The following KMT2C variants were observed in gnomAD, a reference collection of about 807,000 sequenced individuals.
KMT2C encodes histone-lysine N-methyltransferase 2C.
KMT2C carries 88 observed loss-of-function variants against 507.9 expected under a neutral mutation model. The observed-to-expected ratio is 0.17, with a 90% CI of 0.15 to 0.21. KMT2C has a LOEUF of 0.21. Among genes scored for constraint, KMT2C ranks in the 10% least tolerant of loss-of-function variants. KMT2C has a pLI of 1.00. For missense variants in KMT2C, 4,954 were observed against 5,957.8 expected (o/e 0.83, Z 5.55); for synonymous variants, 2,049 against 2,080.8 (o/e 0.98, Z 0.42).
chr7:152,341,021 A>C (rs1469994890), intron 2 of KMT2C, among the ~76,000 whole-genome samples: 1 of 152,238 alleles, frequency 6.6e-6, no homozygotes, highest in African/African-American at 2.4e-5. Context: ...TTTGCAATTA[A>C]TAAAAGAAAC....
At chr7:152,311,110 A>G (rs2096667723) in intron 5 of KMT2C, among the ~76,000 whole-genome samples, 1 of 152,162 alleles carries the variant, frequency 6.6e-6, no homozygotes, top group African/African-American at 2.4e-5. Context: ...TTTAAATATT[A>G]TATATGTATT....
intron 1 of KMT2C, among the ~76,000 whole-genome samples, chr7:152,363,160 A>C (rs1199406988): frequency 6.6e-6 from 1 of 152,208 alleles, no homozygotes; most frequent in Non-Finnish European, 1.5e-5. Flanking sequence ...ATTGAGTCAG[A>C]TATTTCCAGT....
intron 6 of KMT2C, among the ~76,000 whole-genome samples, chr7:152,283,082 C>A (rs1248954626): frequency 6.9e-6 from 1 of 145,406 alleles, no homozygotes; most frequent in Non-Finnish European, 1.5e-5. Context: ...TAGATGAATG[C>A]GCCATAAAGC....
intron 6 of KMT2C, among the ~76,000 whole-genome samples, chr7:152,287,171 A>G (rs1233327893): frequency 2.6e-5 from 4 of 152,102 alleles, no homozygotes; most frequent in African/African-American, 9.7e-5. Flanking sequence ...TTCAACACCC[A>G]CCCAGTGATA....
intron 22 of KMT2C, 95 bp downstream of exon 22, chr7:152,221,906 A>G (rs2094783894): frequency 1.2e-6 from 1 of 830,654 alleles, no homozygotes; most frequent in East Asian, 2.6e-5. Context: ...TAGAACACCC[A>G]TATGATTGAA....
Position 152,162,262 on chromosome 7 carries a change from G to C in KMT2C, c.11315C>G (p.Ser3772Ter). 1 of 1,614,122 alleles carries C rather than the reference G, an allele frequency of 6.2e-7. No homozygotes were observed. The highest frequency in any genetic ancestry group is 1.1e-5 in the South Asian group (1 of 91,082). ...CAAGTGTTTCAGAAGTTCATTCCCT[G>C]AGTCTCCTTTGGCAGCAGGGGCCCC... ...SAGAPAAKGDSGNELLKHLLK... is the reference protein window; with the variant it reads ...SAGAPAAKGD Residue 3772 changes from serine to a stop codon, truncating the protein, a stop_gained, in exon 43 of 59, where the codon TCA becomes TGA. Coordinates refer to ENST00000262189, the MANE Select transcript of KMT2C (RefSeq NM_170606.3). LOFTEE classifies it high-confidence loss of function.
At chr7:152,417,942 TCTTTC>T (rs1238992348) in intron 1 of KMT2C, among the ~76,000 whole-genome samples, 1 of 86,304 alleles carries the variant, frequency 1.2e-5, no homozygotes, top group African/African-American at 5.2e-5. Flanking sequence ...GCGCCCACCC[TCTTTC>T]TTTTAAAAAA....
chr7:152,265,018 G>A lies in KMT2C; in HGVS notation c.1184+20C>T. On this transcript the variant is annotated intron_variant, in intron 8 of 58. Coordinates refer to ENST00000262189, the MANE Select transcript of KMT2C (RefSeq NM_170606.3). ...CCTCTTAAACCCAATACACAGCTTT[G>A]AATTGAAATGAAAACTTACTTGCAG... is the stretch of plus-strand genomic sequence containing the variant. The A allele has an allele frequency of 6.2e-7, 1 of 1,613,076 alleles. No homozygotes were observed. The highest frequency in any genetic ancestry group is 8.5e-7 in the Non-Finnish European group (1 of 1,179,270).
At chr7:152,366,752 G>A (rs1172034996) in intron 1 of KMT2C, 2 of 191,576 alleles carry the variant, frequency 1.0e-5, no homozygotes, top group African/African-American at 2.4e-5. Context: ...GCCACAGACG[G>A]CCGGGCGGGA....
intron 9 of KMT2C, 49 bp downstream of exon 9, chr7:152,262,967 A>G: frequency 7.1e-7 from 1 of 1,402,172 alleles, no homozygotes; most frequent in Non-Finnish European, 9.9e-7. Context: ...TCTGGTCTCC[A>G]TATAAAACAT....
At chr7:152,147,966 A>G in intron 52 of KMT2C, 67 bp downstream of exon 52, 1 of 1,464,854 alleles carries the variant, frequency 6.8e-7, no homozygotes, top group Non-Finnish European at 9.1e-7. Flanking sequence ...GAAAATTGAC[A>G]AAATACATTC....
intron 1 of KMT2C, among the ~76,000 whole-genome samples, chr7:152,388,810 G>A (rs1482244727): frequency 2.6e-5 from 4 of 152,152 alleles, no homozygotes; most frequent in African/African-American, 9.7e-5. Flanking sequence ...GTGCAATGGC[G>A]TGATCTTGGG....
In KMT2C at chr7:152,145,229, G is replaced by A. The variant is rs1395271721; in HGVS notation, c.14098C>T (p.Pro4700Ser). ...CAACCTGTGGGGTTAACGGCAAGAG[G>A]AAGTTCCATGAGAGGATTTCGGCCG... is the stretch of plus-strand genomic sequence containing the variant. ...RYGRNPLMEL[P>S]LAVNPTGCAR... Residue 4700 changes from proline (P) to serine (S), a missense_variant, in exon 54 of 59, where the codon CCT becomes TCT. Pro to Ser is a moderately conservative substitution (Grantham distance 74). Around this residue, in one of 29 missense-constraint regions of KMT2C, gnomAD observed 221 missense variants for 304.7 expected, o/e 0.73. Coordinates refer to ENST00000262189, the MANE Select transcript of KMT2C (RefSeq NM_170606.3). 6.2e-7 allele frequency: 1 copy of A among 1,614,148 alleles called. No individual in the cohort carries two copies.
chr7:152,253,510 T>A (rs2095595185), intron 9 of KMT2C, among the ~76,000 whole-genome samples: 1 of 62,736 alleles, frequency 1.6e-5, no homozygotes, highest in African/African-American at 9.0e-5. Context: ...CACCTCTTTC[T>A]CTACAAAAAA....
rs746127093 is a variant in KMT2C at position 152,163,489 on chromosome 7, C to A, written c.10088G>T (p.Cys3363Phe). 1.9e-6 allele frequency: 3 copies of A among 1,613,926 alleles called. No individual in the cohort carries two copies. Among genetic ancestry groups the A allele is most frequent in the Non-Finnish European group, 2.5e-6 (3 of 1,179,878 alleles). ...PPIAQLPIKT[C>F]TPAPGTVSNA... is the part of the protein sequence containing the mutation. ...TGAGACTGTCCCTGGGGCTGGTGTA[C>A]AAGTTTTTATTGGTAACTGGGCAAT... The change falls in exon 43 of 59, where the codon TGT becomes TTT. Residue 3363 changes from cysteine (C) to phenylalanine (F), a missense_variant. Transcript: ENST00000262189.
chr7:152,294,245 C>T (rs904584068), intron 6 of KMT2C, among the ~76,000 whole-genome samples: 9 of 152,072 alleles, frequency 5.9e-5, no homozygotes, highest in South Asian at 4.1e-4. Context: ...CTTGCTGTAC[C>T]GACACCTTGC....
chr7:152,392,199 C>A (rs2097504337), intron 1 of KMT2C, among the ~76,000 whole-genome samples: 2 of 152,178 alleles, frequency 1.3e-5, no homozygotes, highest in South Asian at 4.2e-4. Flanking sequence ...TATCTGTTCT[C>A]CCCTACCCCC....
At chr7:152,210,911 A>C (rs1429119852) in intron 23 of KMT2C, among the ~76,000 whole-genome samples, 1 of 152,194 alleles carries the variant, frequency 6.6e-6, no homozygotes, top group Non-Finnish European at 1.5e-5. Context: ...GCAGAGAAAA[A>C]CTGAGTATGT....
chr7:152,260,338 C>G (rs2129171104), intron 9 of KMT2C, among the ~76,000 whole-genome samples: 1 of 152,146 alleles, frequency 6.6e-6, no homozygotes, highest in Admixed American at 6.5e-5. Context: ...ACAGAACAAG[C>G]TGAGAAAGAC....
Sources: allele counts gnomAD v4.1 joint callset (sites outside exome capture counted in the v4.1 genomes callset), GRCh38; gene constraint gnomAD v4.1.1; regional missense constraint gnomAD v4.1.1; transcripts MANE v1.5; gene names NCBI Gene and HGNC (gene_info 2026-07-23, HGNC 2026-07-21).